Variants in PDCD4 observed in about 807,000 individuals in gnomAD.
The protein encoded by PDCD4 is programmed cell death 4.
Under a neutral mutation model 54.0 loss-of-function variants are expected in PDCD4, and 56 were observed. The ratio of observed to expected loss-of-function variants is 1.04; its 90% confidence interval spans 0.84 to 1.30. PDCD4 has a LOEUF of 1.30. PDCD4 is among the 50% of genes most tolerant of loss of function. The pLI is 0.00. For missense variants in PDCD4, 584 were observed against 559.8 expected (o/e 1.04, Z -0.44); for synonymous variants, 186 against 194.8 (o/e 0.95, Z 0.37).
At chr10:110,883,537 A>AT (rs534409813) in intron 4 of PDCD4, among the ~76,000 whole-genome samples, 1 of 151,826 alleles carries the variant, frequency 6.6e-6, no homozygotes, top group Non-Finnish European at 1.5e-5. Flanking sequence ...TGAATTTTTT[A>AT]TTTTTTTTAA....
At chr10:110,888,659 TA>T (rs991464630) in intron 6 of PDCD4, among the ~76,000 whole-genome samples, 70 of 152,106 alleles carry the variant, frequency 4.6e-4, no homozygotes, top group Non-Finnish European at 9.0e-4. Flanking sequence ...TTTTTAAAAT[TA>T]AAAAAATGGA....
At chr10:110,889,013 C>T (rs182331154) in intron 6 of PDCD4, among the ~76,000 whole-genome samples, 4,656 of 151,692 alleles carry the variant, frequency 0.031, 112 homozygotes, top group Middle Eastern at 0.058. Flanking sequence ...AGGCGGATCA[C>T]GAGGTCAGGA....
intron 9 of PDCD4, 28 bp from the exon 10 acceptor site, chr10:110,894,384 A>G (rs745708316): frequency 1.6e-6 from 2 of 1,240,144 alleles, no homozygotes; most frequent in Non-Finnish European, 2.4e-6. Context: ...GAATTAACCA[A>G]AAATTCACTC....
Position 110,890,652 on chromosome 10 carries a change from C to A in PDCD4, c.972C>A (p.Val324=). 6.2e-7 allele frequency: 1 copy of A among 1,605,356 alleles called. No homozygotes were observed. The highest frequency in any genetic ancestry group is 8.5e-7 in the Non-Finnish European group (1 of 1,172,648). The change falls in exon 8 of 12, where the codon GTC becomes GTA. Residue 324 remains valine, a synonymous_variant. Transcript: ENST00000280154. ...GCTCTGGAGGTGGGCAGCAATCTGT[C>A]AATCACCTTGTTAAAGAGGTAATGA... ...VWGSGGGQQS[V]NHLVKEIDML... is the part of the protein sequence containing the mutation.
chr10:110,896,082 T>C lies in PDCD4; in HGVS notation c.1344T>C (p.Pro448=). The C allele has an allele frequency of 6.3e-7, 1 of 1,594,730 alleles. No homozygotes were observed. The highest frequency in any genetic ancestry group is 8.5e-7 in the Non-Finnish European group (1 of 1,172,262). Residue 448 remains proline (P), a synonymous_variant, in exon 11 of 12, where the codon CCT becomes CCC. Transcript: ENST00000280154. The part of the protein sequence containing the change: ...IISKQLRDLC[P]SRGRKRFVSE... ...CCAAACAACTCAGAGATCTTTGTCCTTCAAGGTACTTTATTTAAATACTAC... is the reference window on the plus strand; with the variant it reads ...CCAAACAACTCAGAGATCTTTGTCCCTCAAGGTACTTTATTTAAATACTAC...
chr10:110,872,389 G>A (rs1013340502), intron 1 of PDCD4, among the ~76,000 whole-genome samples: 1 of 152,108 alleles, frequency 6.6e-6, no homozygotes, highest in South Asian at 2.1e-4. Flanking sequence ...TTGAATTCGG[G>A]GGCCGGGATT....
chr10:110,887,253 G>A (rs2135208154), intron 5 of PDCD4, among the ~76,000 whole-genome samples: 1 of 152,176 alleles, frequency 6.6e-6, no homozygotes, highest in East Asian at 1.9e-4. Flanking sequence ...ATACAGGTTT[G>A]TAGCCCGGGA....
chr10:110,873,458 G>T (rs1590724095), intron 1 of PDCD4, among the ~76,000 whole-genome samples: 1 of 152,216 alleles, frequency 6.6e-6, no homozygotes, highest in South Asian at 2.1e-4. Flanking sequence ...TCGTGGGGGA[G>T]TGGAGGGTCT....
At position 110,883,033 on chromosome 10, in the gene PDCD4, C is replaced by T; in HGVS notation, c.377C>T (p.Thr126Ile). The change falls in exon 4 of 12, where the codon ACA becomes ATA. Residue 126 changes from threonine to isoleucine, a missense_variant. Physicochemically the swap from Thr to Ile is moderately conservative, Grantham distance 89. Coordinates refer to ENST00000280154, the MANE Select transcript of PDCD4 (RefSeq NM_014456.5). ...GCAGGAGGCAAAGGTGTCTGGGGTA[C>T]ACCTGGACAGGTGTATGATGTGGAG... ...GGAGGKGVWG[T>I]PGQVYDVEEV... The T allele has an allele frequency of 6.2e-7, 1 of 1,601,822 alleles. No homozygotes were observed. Among genetic ancestry groups the T allele is most frequent in the Non-Finnish European group, 8.5e-7 (1 of 1,175,108 alleles).
chr10:110,886,377 C>T (rs1436181084), intron 5 of PDCD4, among the ~76,000 whole-genome samples: 1 of 151,980 alleles, frequency 6.6e-6, no homozygotes, highest in Non-Finnish European at 1.5e-5. Context: ...TTGAGGAGTT[C>T]GCCAGTTAAG....
At chr10:110,881,607 CT>C (rs1281665556) in intron 3 of PDCD4, 72 bp downstream of exon 3, 2 of 1,250,664 alleles carry the variant, frequency 1.6e-6, no homozygotes, top group Non-Finnish European at 2.2e-6. Flanking sequence ...TTGTACTACA[CT>C]TTCCTTGTTC....
intron 4 of PDCD4, among the ~76,000 whole-genome samples, chr10:110,883,841 T>C (rs1042373073): frequency 6.6e-6 from 1 of 152,244 alleles, no homozygotes; most frequent in Non-Finnish European, 1.5e-5. Flanking sequence ...TGTATGTATG[T>C]ATTTAAGTGT....
chr10:110,894,039 G>A (rs371850306), intron 8 of PDCD4, 52 bp from the exon 9 acceptor site: 7 of 1,090,612 alleles, frequency 6.4e-6, no homozygotes, highest in Non-Finnish European at 9.8e-6. Context: ...AGGCAAGCAC[G>A]ATATTTTAAA....
chr10:110,883,242 A>G, intron 4 of PDCD4, 145 bp downstream of exon 4: 1 of 576,034 alleles, frequency 1.7e-6, no homozygotes, highest in Non-Finnish European at 3.0e-6. Context: ...TAATACATGC[A>G]TAACTTTCAC....
intron 8 of PDCD4, among the ~76,000 whole-genome samples, chr10:110,892,530 C>T (rs1193575544): frequency 1.5e-4 from 23 of 152,100 alleles, no homozygotes. Flanking sequence ...TTTAATACTT[C>T]TAAAGTTATG....
At position 110,898,952 on chromosome 10, in the gene PDCD4, C is replaced by G. The variant is rs1347260445; in HGVS notation, c.*864C>G. ...AAAAAATGCAGGTATCACTTTACTC[C>G]ATTGTTATCTGACCTAGAGCTTAAT... On this transcript the variant is annotated 3_prime_UTR_variant, in exon 12 of 12. Transcript: ENST00000280154. 1 of 152,016 alleles carries G rather than the reference C, an allele frequency of 6.6e-6. No homozygotes were observed. Among genetic ancestry groups the G allele is most frequent in the Non-Finnish European group, 1.5e-5 (1 of 67,986 alleles). The allele number at this position is 152,016 out of a possible 1,614,324, so 9.4% of individuals were successfully genotyped here. A position where few individuals can be genotyped will look rare whatever the true frequency, so the allele number is the denominator to read the frequency against.
In PDCD4 at chr10:110,897,939, GA is replaced by G. The variant is rs1421961555; in HGVS notation, c.1350-83del. Reference sequence around the variant, plus strand: ...AACCCTTTAAAAGCTAACACGTAACGAAAAAATACCAAGTTTTTAATTTTTT... The same window carrying G: ...AACCCTTTAAAAGCTAACACGTAACGAAAAATACCAAGTTTTTAATTTTTT... On this transcript the variant is annotated intron_variant, in intron 11 of 11. Transcript: ENST00000280154. 13 of 888,374 alleles carry G rather than the reference GA, an allele frequency of 1.5e-5. No individual in the cohort carries two copies. The East Asian group carries it at 2.8e-4, about 19-fold the overall frequency. The allele number at this position is 888,374 out of a possible 1,614,324, so 55.0% of individuals were successfully genotyped here.
chr10:110,886,697 G>A (rs929196352), intron 5 of PDCD4, among the ~76,000 whole-genome samples: 4 of 152,038 alleles, frequency 2.6e-5, no homozygotes, highest in African/African-American at 9.7e-5. Context: ...TATGATAGGT[G>A]TGATAATTTA....
intron 6 of PDCD4, among the ~76,000 whole-genome samples, chr10:110,888,426 C>T (rs1446627521): frequency 2.0e-5 from 3 of 152,032 alleles, no homozygotes; most frequent in Admixed American, 1.3e-4. Context: ...AGACAATACT[C>T]GGTATGAGAT....
Sources: allele counts gnomAD v4.1 joint callset (sites outside exome capture counted in the v4.1 genomes callset), GRCh38; gene constraint gnomAD v4.1.1; transcripts MANE v1.5; gene names NCBI Gene and HGNC (gene_info 2026-07-23, HGNC 2026-07-21).